MECOM: variants seen among roughly 807,000 people sequenced by gnomAD.
The protein encoded by MECOM is histone-lysine N-methyltransferase MECOM.
A neutral mutation model predicts 116.3 loss-of-function variants in MECOM; 13 were observed. The ratio of observed to expected loss-of-function variants is 0.11; its 90% CI spans 0.07 to 0.18. MECOM has a LOEUF of 0.18. MECOM is among the 10% of genes least tolerant of loss of function. The pLI is 1.00. For missense variants in MECOM, 1,299 were observed against 1,509.0 expected, an observed-to-expected ratio of 0.86 and a Z score of 2.31; for synonymous variants, 528 against 535.2, an observed-to-expected ratio of 0.99 and a Z score of 0.19.
At chr3:169,204,070 G>A (rs1486466235) in intron 2 of MECOM, among the ~76,000 whole-genome samples, 1 of 152,122 alleles carries the variant, frequency 6.6e-6, no homozygotes, top group Non-Finnish European at 1.5e-5. Flanking sequence ...ATTGTTCAAA[G>A]GCCAGTTCAT....
intron 1 of MECOM, among the ~76,000 whole-genome samples, chr3:169,617,692 A>C (rs1005227700): frequency 3.9e-5 from 6 of 152,180 alleles, no homozygotes; most frequent in African/African-American, 9.7e-5. Flanking sequence ...GTCTATAAAG[A>C]CTTGTCCCCT....
chr3:169,397,146 A>G (rs1735143038), intron 1 of MECOM, among the ~76,000 whole-genome samples: 1 of 152,194 alleles, frequency 6.6e-6, no homozygotes, highest in Non-Finnish European at 1.5e-5. Flanking sequence ...TTCATGATCA[A>G]TTCATTCTCC....
intron 1 of MECOM, among the ~76,000 whole-genome samples, chr3:169,437,367 A>C (rs1429386884): frequency 6.6e-6 from 1 of 152,216 alleles, no homozygotes; most frequent in Non-Finnish European, 1.5e-5. Flanking sequence ...TCTATACAGG[A>C]AGGTTTATTG....
rs542040562 is a variant in MECOM, at chr3:169,553,961, T to C, written c.37+109375A>G. Among the ~76,000 whole-genome samples the C allele has an allele frequency of 3.9e-5, 6 of 152,190 alleles. No individual in the cohort carries two copies. The East Asian group carries it at 1.2e-3, about 29-fold the overall frequency. ...AGTACTGGAGGTTACGGCTTCAATATATGAATTTGGCCAGGGTTGCTGGGG... is the reference window on the plus strand; with the variant it reads ...AGTACTGGAGGTTACGGCTTCAATACATGAATTTGGCCAGGGTTGCTGGGG... On this transcript the variant is annotated intron_variant, in intron 1 of 16. Transcript: ENST00000651503.
At chr3:169,407,533 G>A (rs552823949) in intron 1 of MECOM, among the ~76,000 whole-genome samples, 10 of 152,306 alleles carry the variant, frequency 6.6e-5, no homozygotes, top group African/African-American at 1.9e-4. Context: ...TGTAAGGAAA[G>A]TAAAAATCGA....
intron 2 of MECOM, among the ~76,000 whole-genome samples, chr3:169,152,669 G>C (rs548966816): frequency 6.6e-6 from 1 of 152,080 alleles, no homozygotes; most frequent in East Asian, 1.9e-4. Context: ...CACTGTGTGC[G>C]TTCAGAATTA....
rs916570938 is a variant in MECOM at position 169,382,870 on chromosome 3, A to T, written c.38-1346T>A. Among the ~76,000 whole-genome samples, 29 of 84,862 alleles carry T rather than the reference A, an allele frequency of 3.4e-4. 1 individual carries two copies. The highest frequency in any genetic ancestry group is 5.5e-4 in the Non-Finnish European group (23 of 41,912). 55.7% of individuals were successfully genotyped at this position (84,862 alleles called of 152,430 possible). On this transcript the variant is annotated intron_variant, in intron 1 of 16. Coordinates refer to ENST00000651503, the MANE Select transcript of MECOM (RefSeq NM_004991.4). ...ATCTCAAAAAAAAAAAAAAATAAAAAAAATAAAAAAAGAAGGTAAAATGGG... is the reference window on the plus strand; with the variant it reads ...ATCTCAAAAAAAAAAAAAAATAAAATAAATAAAAAAAGAAGGTAAAATGGG...
intron 1 of MECOM, among the ~76,000 whole-genome samples, chr3:169,602,727 C>T (rs554958867): frequency 2.0e-3 from 310 of 152,236 alleles, no homozygotes; most frequent in South Asian, 0.015. Flanking sequence ...AAATAAATAA[C>T]ATTTAAAATA....
intron 1 of MECOM, among the ~76,000 whole-genome samples, chr3:169,520,080 T>G (rs1401163985): frequency 6.6e-6 from 1 of 152,178 alleles, no homozygotes; most frequent in African/African-American, 2.4e-5. Flanking sequence ...AGTTTGGAGC[T>G]GCCCAGAACC....
At chr3:169,193,203 A>T (rs1407078140) in intron 2 of MECOM, among the ~76,000 whole-genome samples, 2 of 152,066 alleles carry the variant, frequency 1.3e-5, no homozygotes, top group African/African-American at 2.4e-5. Flanking sequence ...AATTGTCTAA[A>T]TACTGAATGG....
At chr3:169,454,804 C>T (rs892327882) in intron 1 of MECOM, among the ~76,000 whole-genome samples, 42 of 152,268 alleles carry the variant, frequency 2.8e-4, no homozygotes, top group African/African-American at 9.4e-4. Context: ...CAGAAAATAG[C>T]ATGGCAAAAA....
chr3:169,198,488 C>G (rs1323105131), intron 2 of MECOM, among the ~76,000 whole-genome samples: 1 of 151,854 alleles, frequency 6.6e-6, no homozygotes, highest in Non-Finnish European at 1.5e-5. Context: ...GCTTTGGTGC[C>G]CATTACTTCT....
intron 1 of MECOM, among the ~76,000 whole-genome samples, chr3:169,555,717 C>A (rs1761945252): frequency 6.6e-6 from 1 of 152,216 alleles, no homozygotes. Flanking sequence ...TCCCAAGAGT[C>A]TCACTAAAAT....
intron 2 of MECOM, among the ~76,000 whole-genome samples, chr3:169,343,324 T>C (rs1724863200): frequency 6.6e-6 from 1 of 152,240 alleles, no homozygotes; most frequent in African/African-American, 2.4e-5. Context: ...TGTCAGAAAG[T>C]AGCTTCAGAG....
chr3:169,392,001 T>C (rs929214584), intron 1 of MECOM, among the ~76,000 whole-genome samples: 1 of 152,196 alleles, frequency 6.6e-6, no homozygotes, highest in African/African-American at 2.4e-5. Context: ...ATTATAAATG[T>C]TTGCTGGCAA....
chr3:169,303,163 C>T (rs1293082427), intron 2 of MECOM, among the ~76,000 whole-genome samples: 1 of 152,140 alleles, frequency 6.6e-6, no homozygotes, highest in Admixed American at 6.5e-5. Context: ...AACCATTTTA[C>T]ATATTTTCTA....
chr3:169,652,397 T>C (rs895629847), intron 1 of MECOM, among the ~76,000 whole-genome samples: 1 of 152,182 alleles, frequency 6.6e-6, no homozygotes, highest in Non-Finnish European at 1.5e-5. Flanking sequence ...TGGGTCTTAG[T>C]CTTACCCTCA....
At chr3:169,562,291 C>T (rs1351193756) in intron 1 of MECOM, among the ~76,000 whole-genome samples, 2 of 151,972 alleles carry the variant, frequency 1.3e-5, no homozygotes, top group African/African-American at 4.8e-5. Flanking sequence ...AAACAGAGTG[C>T]TCTCAATGAA....
At chr3:169,352,117 A>G (rs1726431222) in intron 2 of MECOM, among the ~76,000 whole-genome samples, 1 of 151,880 alleles carries the variant, frequency 6.6e-6, no homozygotes, top group South Asian at 2.1e-4. Context: ...TAAAACAGGG[A>G]AAGGAGAATC....
Sources: allele counts gnomAD v4.1 joint callset (sites outside exome capture counted in the v4.1 genomes callset), GRCh38; gene constraint gnomAD v4.1.1; transcripts MANE v1.5; gene names NCBI Gene and HGNC (gene_info 2026-07-23, HGNC 2026-07-21).